The following MIPOL1 variants were observed in gnomAD, a reference collection of about 807,000 sequenced individuals.
The protein encoded by MIPOL1 is mirror-image polydactyly 1.
In MIPOL1, 57 loss-of-function variants were observed where a neutral mutation model predicts 60.9. The observed-to-expected ratio is 0.94, with a 90% confidence interval of 0.76 to 1.17. The LOEUF is 1.17. MIPOL1 is among the 50% of genes most tolerant of loss of function. MIPOL1 has a pLI of 0.00. For synonymous variants in MIPOL1, 179 were observed against 168.8 expected, an observed-to-expected ratio of 1.06 and a Z score of -0.47; for missense variants, 551 against 511.6, an observed-to-expected ratio of 1.08 and a Z score of -0.74.
At chr14:37,425,690 A>G (rs901350563) in intron 11 of MIPOL1, among the ~76,000 whole-genome samples, 3 of 152,230 alleles carry the variant, frequency 2.0e-5, no homozygotes, top group Admixed American at 2.0e-4. Flanking sequence ...AACCAATGTT[A>G]AGATATATTT....
rs771535943 is a variant in MIPOL1 at position 37,500,152 on chromosome 14, T to C, written c.1262+14T>C. On this transcript the variant is annotated intron_variant, in intron 12 of 12. Coordinates refer to ENST00000684589, the MANE Select transcript of MIPOL1 (RefSeq NM_001388067.1). ...AAAAGTTCAAAAGTAAGTTAAATGATCTTGTAATAATACTTCAAACACATG... is the reference window on the plus strand; with the variant it reads ...AAAAGTTCAAAAGTAAGTTAAATGACCTTGTAATAATACTTCAAACACATG... 6.5e-7 allele frequency: 1 copy of C among 1,533,304 alleles called. No individual in the cohort carries two copies. The allele number at this position is 1,533,304 out of a possible 1,614,324, so 95.0% of individuals were successfully genotyped here.
chr14:37,449,339 ATTATAT>A (rs1566624884), intron 11 of MIPOL1, among the ~76,000 whole-genome samples: 2 of 152,362 alleles, frequency 1.3e-5, no homozygotes, highest in South Asian at 2.1e-4. Flanking sequence ...ATTATAAGTA[ATTATAT>A]TTATGAGTAT....
rs192773412 is a variant in MIPOL1 at position 37,496,170 on chromosome 14, T to G, written c.1032-3738T>G. ...GTATTTCAAAATAATAAGAGCTATC[T>G]ATGACAAACCCACAGCCAATATCAT... On this transcript the variant is annotated intron_variant, in intron 11 of 12. Transcript: ENST00000684589. 6.9e-3 allele frequency among the ~76,000 whole-genome samples: 1,051 copies of G among 151,394 alleles called. 18 individuals carry two copies. The highest frequency in any genetic ancestry group is 0.022 in the African/African-American group (920 of 41,222).
At chr14:37,351,229 G>A (rs1202870493) in intron 9 of MIPOL1, among the ~76,000 whole-genome samples, 2 of 147,150 alleles carry the variant, frequency 1.4e-5, no homozygotes, top group Admixed American at 1.4e-4. Flanking sequence ...CCCTACCAAG[G>A]ACATGAACTC....
rs1485778463 is a variant in MIPOL1, at chr14:37,301,040, T to TAC, written c.624-7008_624-7007dup. Among the ~76,000 whole-genome samples the TAC allele has an allele frequency of 1.4e-3, 13 of 9,132 alleles. 5 individuals are homozygous for TAC. Among genetic ancestry groups the TAC allele is most frequent in the Admixed American group, 5.0e-3 (2 of 404 alleles). 6.0% of individuals were successfully genotyped at this position (9,132 alleles called of 152,430 possible). On this transcript the variant is annotated intron_variant, in intron 7 of 12. Transcript: ENST00000684589. ...CCCTTTCTGCAGACAGAGTAGGAAA[T>TAC]ACACACACATATATATATATATAGT...
rs767726101 is a variant in MIPOL1 at position 37,546,883 on chromosome 14, C to T, written c.1263-22C>T. On this transcript the variant is annotated intron_variant, in intron 12 of 12. Transcript: ENST00000684589. ...ATTGCCCTTTTTTTCCCCTTCTCACCCCCATCCCAACCCCAACTTAGGTTG... is the reference window on the plus strand; with the variant it reads ...ATTGCCCTTTTTTTCCCCTTCTCACTCCCATCCCAACCCCAACTTAGGTTG... 8 of 1,609,424 alleles carry T rather than the reference C, an allele frequency of 5.0e-6. No homozygotes were observed. In the South Asian group the frequency reaches 7.7e-5, roughly 16 times the overall value.
chr14:37,433,240 T>G (rs542840280), intron 11 of MIPOL1, among the ~76,000 whole-genome samples: 1 of 152,098 alleles, frequency 6.6e-6, no homozygotes, highest in African/African-American at 2.4e-5. Context: ...TTTTTAATTA[T>G]ACTTTCAGTT....
intron 11 of MIPOL1, among the ~76,000 whole-genome samples, chr14:37,479,345 A>G (rs150988496): frequency 1.3e-5 from 2 of 152,246 alleles, no homozygotes; most frequent in African/African-American, 4.8e-5. Context: ...CATATCAAGT[A>G]TTTTTTTGAC....
At chr14:37,407,648 G>A (rs556515742) in intron 10 of MIPOL1, among the ~76,000 whole-genome samples, 8 of 151,982 alleles carry the variant, frequency 5.3e-5, no homozygotes, top group African/African-American at 1.9e-4. Context: ...TAATTATTAT[G>A]TAGTGTTTAA....
chr14:37,394,337 C>T (rs112326342), intron 10 of MIPOL1, among the ~76,000 whole-genome samples: 1,869 of 151,792 alleles, frequency 0.012, 13 homozygotes, highest in Middle Eastern at 0.031. Context: ...GGAATTTTCA[C>T]GCTGTTTTCC....
chr14:37,298,956 C>T (rs1222326377), intron 7 of MIPOL1, among the ~76,000 whole-genome samples: 1 of 150,378 alleles, frequency 6.6e-6, no homozygotes, highest in Non-Finnish European at 1.5e-5. Flanking sequence ...GGGTATATAC[C>T]CAAAGGACTA....
At chr14:37,233,000 T>C (rs1970866992) in intron 1 of MIPOL1, among the ~76,000 whole-genome samples, 1 of 152,150 alleles carries the variant, frequency 6.6e-6, no homozygotes, top group African/African-American at 2.4e-5. Flanking sequence ...TTCATCAGCT[T>C]AGTGAGGCAT....
At chr14:37,443,960 G>T (rs748743705) in intron 11 of MIPOL1, among the ~76,000 whole-genome samples, 1 of 152,078 alleles carries the variant, frequency 6.6e-6, no homozygotes, top group African/African-American at 2.4e-5. Flanking sequence ...CCATTCAGTT[G>T]TTCAGTCTGA....
At chr14:37,476,152 T>C (rs1252784180) in intron 11 of MIPOL1, among the ~76,000 whole-genome samples, 1 of 152,232 alleles carries the variant, frequency 6.6e-6, no homozygotes, top group Non-Finnish European at 1.5e-5. Flanking sequence ...TATTTCTCTT[T>C]TCGGCATTAA....
rs1969235045 is a variant in MIPOL1, at chr14:37,223,762, G to A, written c.-198-23341G>A. Among the ~76,000 whole-genome samples the A allele has an allele frequency of 3.3e-5, 5 of 152,190 alleles. No individual in the cohort carries two copies. The South Asian group carries it at 1.0e-3, about 32-fold the overall frequency. On this transcript the variant is annotated intron_variant, in intron 1 of 12. Transcript: ENST00000684589. ...GAGATCTGCCCACCTCGGTCCCCCA[G>A]AGTGCTGGGATTACAGGCGTGAGCC...
intron 11 of MIPOL1, among the ~76,000 whole-genome samples, chr14:37,456,454 G>C (rs1479916627): frequency 6.6e-6 from 1 of 151,952 alleles, no homozygotes; most frequent in South Asian, 2.1e-4. Flanking sequence ...TTGTACCTAT[G>C]AATTTTTCAG....
intron 1 of MIPOL1, among the ~76,000 whole-genome samples, chr14:37,219,168 A>C (rs917491339): frequency 8.5e-5 from 13 of 152,134 alleles, no homozygotes; most frequent in African/African-American, 3.1e-4. Context: ...TGGTTAAACC[A>C]ACTTGACAGG....
chr14:37,316,629 T>A, intron 9 of MIPOL1, among the ~76,000 whole-genome samples: 1 of 149,592 alleles, frequency 6.7e-6, no homozygotes, highest in Admixed American at 6.7e-5. Context: ...TAATGGGATG[T>A]TCTAGCACAT....
At chr14:37,240,932 C>T (rs1265820255) in intron 1 of MIPOL1, among the ~76,000 whole-genome samples, 2 of 124,428 alleles carry the variant, frequency 1.6e-5, no homozygotes, top group Non-Finnish European at 3.2e-5. Context: ...AGGTGACACA[C>T]ACACACATAC....
Sources: allele counts gnomAD v4.1 joint callset (sites outside exome capture counted in the v4.1 genomes callset), GRCh38; gene constraint gnomAD v4.1.1; transcripts MANE v1.5; gene names NCBI Gene and HGNC (gene_info 2026-07-23, HGNC 2026-07-21).